SLC14A2: variants seen among roughly 807,000 people sequenced by gnomAD.
SLC14A2 encodes urea transporter 2.
In SLC14A2, 91 loss-of-function variants were observed where a neutral mutation model predicts 104.6. The ratio of observed to expected loss-of-function variants is 0.87; its 90% confidence interval spans 0.73 to 1.04. The LOEUF is 1.04. Ranked by LOEUF, SLC14A2 falls within the 50% of genes least tolerant of loss-of-function variation. The pLI is 0.00. For missense variants in SLC14A2, 1,189 were observed against 1,156.0 expected, an observed-to-expected ratio of 1.03 and a Z score of -0.41; for synonymous variants, 476 against 466.4, an observed-to-expected ratio of 1.02 and a Z score of -0.27.
At chr18:45,259,288 A>G (rs1405190648) in intron 1 of SLC14A2, among the ~76,000 whole-genome samples, 2 of 152,224 alleles carry the variant, frequency 1.3e-5, no homozygotes, top group Non-Finnish European at 2.9e-5. Flanking sequence ...AGGGTCATAG[A>G]GGCAAAACAG....
At chr18:45,212,066 A>G (rs544919758), upstream of SLC14A2, among the ~76,000 whole-genome samples, 11 of 152,304 alleles carry the variant, frequency 7.2e-5, no homozygotes, top group Non-Finnish European at 1.3e-4. Context: ...ATTAATTCTT[A>G]TATATTTTTC....
chr18:45,513,783 C>T (rs1468623830), intron 2 of SLC14A2, among the ~76,000 whole-genome samples: 2 of 152,262 alleles, frequency 1.3e-5, no homozygotes, highest in African/African-American at 4.8e-5. Flanking sequence ...ATATGAGATA[C>T]TCTGTTTCAT....
At chr18:45,233,102 G>A (rs1369506436) in intron 1 of SLC14A2, among the ~76,000 whole-genome samples, 1 of 152,070 alleles carries the variant, frequency 6.6e-6, no homozygotes, top group East Asian at 1.9e-4. Context: ...TTTCACTCTA[G>A]GTAACAACTT....
chr18:45,592,864 G>A lies in SLC14A2; in HGVS notation c.-34-31767G>A, dbSNP rs146339205. 2.0e-3 allele frequency among the ~76,000 whole-genome samples: 301 copies of A among 152,312 alleles called. 1 individual carries two copies. Among genetic ancestry groups the A allele is most frequent in the African/African-American group, 6.9e-3 (285 of 41,570 alleles). On this transcript the variant is annotated intron_variant, in intron 2 of 20. Coordinates refer to the SLC14A2 transcript ENST00000586448. Reference sequence around the variant, plus strand: ...TTAACTCTTAAGGCAAAGAGTAGGTGAGCAATAATGTAAAGCTATTCCTCT... The same window carrying A: ...TTAACTCTTAAGGCAAAGAGTAGGTAAGCAATAATGTAAAGCTATTCCTCT...
chr18:45,656,391 AGTT>A (rs1216444298), intron 10 of SLC14A2, among the ~76,000 whole-genome samples: 1 of 152,250 alleles, frequency 6.6e-6, no homozygotes, highest in Non-Finnish European at 1.5e-5. Flanking sequence ...AGCTTGATGA[AGTT>A]GTTGTAAACA....
Position 45,678,912 on chromosome 18 carries a change from C to A in SLC14A2, c.2513-63C>A, listed in dbSNP as rs541664875. On this transcript the variant is annotated intron_variant, in intron 18 of 19. Coordinates refer to ENST00000255226, the MANE Select transcript of SLC14A2 (RefSeq NM_007163.4). ...ATTGATGGGAAGAGAATATGTAGAG[C>A]AATCTTGAGGTGCTATTAAATAGTT... 6.4e-6 allele frequency: 9 copies of A among 1,404,340 alleles called. No homozygotes were observed. The South Asian group carries it at 8.8e-5, about 14-fold the overall frequency. 87.0% of individuals were successfully genotyped at this position (1,404,340 alleles called of 1,614,324 possible). A position where few individuals can be genotyped will look rare whatever the true frequency, so the allele number is the denominator to read the frequency against.
chr18:45,188,755 A>C, the SLC14A2 span, among the ~76,000 whole-genome samples: 3 of 152,176 alleles, frequency 2.0e-5, no homozygotes, highest in African/African-American at 7.2e-5. Flanking sequence ...CCTTAGATGG[A>C]GTATGAAGGC....
chr18:45,613,613 G>T (rs1027901243), upstream of SLC14A2, among the ~76,000 whole-genome samples: 8 of 152,218 alleles, frequency 5.3e-5, no homozygotes, highest in African/African-American at 1.4e-4. Context: ...GTTGGGAACT[G>T]GAGTAAAGGT....
At chr18:45,438,644 TCAAA>T (rs753321423) in intron 1 of SLC14A2, among the ~76,000 whole-genome samples, 24 of 152,180 alleles carry the variant, frequency 1.6e-4, no homozygotes, top group African/African-American at 5.8e-4. Context: ...CCATTTCTAC[TCAAA>T]CAAACTGTGA....
At chr18:45,263,218 G>A (rs1742720036) in intron 1 of SLC14A2, among the ~76,000 whole-genome samples, 1 of 152,088 alleles carries the variant, frequency 6.6e-6, no homozygotes, top group Non-Finnish European at 1.5e-5. Flanking sequence ...CATTAATTTT[G>A]TAGAATATTC....
intron 2 of SLC14A2, among the ~76,000 whole-genome samples, chr18:45,545,653 C>T (rs1156535380): frequency 2.0e-5 from 3 of 152,158 alleles, no homozygotes; most frequent in Admixed American, 1.3e-4. Context: ...AGCATTTTAA[C>T]AGTAGATCAT....
At chr18:45,614,628 C>A (rs6507628), upstream of SLC14A2, among the ~76,000 whole-genome samples, 46,790 of 151,932 alleles carry the variant, frequency 0.31, 7,509 homozygotes, top group East Asian at 0.47. Flanking sequence ...GACATGGAGT[C>A]AAAGGAGATT....
At chr18:45,670,787 A>G (rs1297091960) in intron 16 of SLC14A2, among the ~76,000 whole-genome samples, 1 of 152,122 alleles carries the variant, frequency 6.6e-6, no homozygotes, top group Non-Finnish European at 1.5e-5. Flanking sequence ...CAGCCTTCTG[A>G]GTAGCTGGGA....
At chr18:45,465,983 G>C (rs527830210) in intron 1 of SLC14A2, among the ~76,000 whole-genome samples, 12 of 152,138 alleles carry the variant, frequency 7.9e-5, no homozygotes, top group Admixed American at 2.0e-4. Flanking sequence ...AACACTTACT[G>C]AGTGCTTTAA....
intron 1 of SLC14A2, among the ~76,000 whole-genome samples, chr18:45,373,848 G>A (rs2085747271): frequency 6.6e-6 from 1 of 152,076 alleles, no homozygotes; most frequent in African/African-American, 2.4e-5. Flanking sequence ...CCCAAGTGAA[G>A]GACTTAAAAG....
At chr18:45,469,317 C>A (rs2087201901) in intron 1 of SLC14A2, among the ~76,000 whole-genome samples, 1 of 152,128 alleles carries the variant, frequency 6.6e-6, no homozygotes, top group Non-Finnish European at 1.5e-5. Context: ...GAAAGGGAAC[C>A]CACTGGAGAC....
the SLC14A2 span, among the ~76,000 whole-genome samples, chr18:45,204,899 A>G: frequency 6.6e-6 from 1 of 152,182 alleles, no homozygotes; most frequent in Non-Finnish European, 1.5e-5. Context: ...ACCTATGCTA[A>G]TGTTGCATGA....
chr18:45,222,855 G>A (rs2084076585), intron 1 of SLC14A2, among the ~76,000 whole-genome samples: 2 of 152,164 alleles, frequency 1.3e-5, no homozygotes, highest in South Asian at 4.1e-4. Flanking sequence ...GGCTTGGATA[G>A]TGTAAGATGG....
chr18:45,269,444 C>T (rs1433533976), intron 1 of SLC14A2, among the ~76,000 whole-genome samples: 2 of 151,950 alleles, frequency 1.3e-5, no homozygotes, highest in Non-Finnish European at 2.9e-5. Context: ...TGTCCACAGC[C>T]CCCAGCGTCA....
Sources: allele counts gnomAD v4.1 joint callset (sites outside exome capture counted in the v4.1 genomes callset), GRCh38; gene constraint gnomAD v4.1.1; transcripts MANE v1.5; gene names NCBI Gene and HGNC (gene_info 2026-07-23, HGNC 2026-07-21).